The following SSH2 variants were observed in gnomAD, a reference collection of about 807,000 sequenced individuals.
SSH2 encodes the protein slingshot protein phosphatase 2.
SSH2 carries 37 observed loss-of-function variants against 135.2 expected under a neutral mutation model. The observed-to-expected ratio is 0.27, with a 90% CI of 0.21 to 0.36. The LOEUF is 0.36. Among genes scored for constraint, SSH2 ranks in the 10% least tolerant of loss-of-function variants. The probability of loss-of-function intolerance (pLI) is 1.00; values close to 1 mark genes in which losing one functional copy is unlikely to be tolerated. For missense variants in SSH2, 1,408 were observed against 1,765.3 expected (o/e 0.80, Z 3.63); for synonymous variants, 628 against 646.2 (o/e 0.97, Z 0.43).
At chr17:29,701,404 CTTTTTTTTTTTT>C (rs55721735) in intron 4 of SSH2, among the ~76,000 whole-genome samples, 4 of 90,338 alleles carry the variant, frequency 4.4e-5, no homozygotes, top group Non-Finnish European at 8.2e-5. Flanking sequence ...GTGCCTGGCT[CTTTTTTTTTTTT>C]TTTTTTTTTT....
rs777395874 is a variant in SSH2, at chr17:29,628,739, A to G, written c.*2102T>C. The stretch of plus-strand genomic sequence containing the variant: ...AGTGGATGAGATACTTGAACATTCA[A>G]GGAGACTACTGAGCAACAGCACAGG... On this transcript the variant is annotated 3_prime_UTR_variant, in exon 16 of 16. Coordinates refer to ENST00000540801, the MANE Select transcript of SSH2 (RefSeq NM_001282129.2). The G allele has an allele frequency of 3.9e-5, 6 of 152,260 alleles. No homozygotes were observed. Among genetic ancestry groups the G allele is most frequent in the Non-Finnish European group, 7.3e-5 (5 of 68,052 alleles). 9.4% of individuals were successfully genotyped at this position (152,260 alleles called of 1,614,324 possible).
chr17:29,636,390 T>C lies in SSH2; in HGVS notation c.1840A>G (p.Asn614Asp), dbSNP rs750049937. 11 of 1,614,110 alleles carry C rather than the reference T, an allele frequency of 6.8e-6. No individual in the cohort carries two copies. In the Admixed American group the frequency reaches 1.8e-4, roughly 27 times the overall value. ...IQPGHVPEMA[N>D]KFPDLTVEDL... ...TCCACTGTTAAGTCTGGAAACTTGTTGGCCATTTCTGGGACATGTCCAGGC... is the reference window on the plus strand; with the variant it reads ...TCCACTGTTAAGTCTGGAAACTTGTCGGCCATTTCTGGGACATGTCCAGGC... Residue 614 changes from asparagine (N) to aspartate (D), a missense_variant, in exon 15 of 16, where the codon AAC (asparagine) becomes GAC (aspartate). Coordinates refer to ENST00000540801, the MANE Select transcript of SSH2 (RefSeq NM_001282129.2).
At chr17:29,665,735 T>C (rs1445337840) in intron 11 of SSH2, among the ~76,000 whole-genome samples, 1 of 152,232 alleles carries the variant, frequency 6.6e-6, no homozygotes, top group Non-Finnish European at 1.5e-5. Flanking sequence ...AATGTACAGA[T>C]AAGAACTAAA....
intron 3 of SSH2, among the ~76,000 whole-genome samples, chr17:29,749,939 C>T (rs1259452750): frequency 6.6e-6 from 1 of 151,934 alleles, no homozygotes; most frequent in Non-Finnish European, 1.5e-5. Flanking sequence ...GTTGGCCAGG[C>T]TTGTCTCAAA....
chr17:29,873,244 T>C (rs1054662371), intron 1 of SSH2, among the ~76,000 whole-genome samples: 1 of 152,028 alleles, frequency 6.6e-6, no homozygotes, highest in Admixed American at 6.6e-5. Flanking sequence ...AAAAAATCTT[T>C]AAGATGTACA....
At chr17:29,788,416 G>A (rs947224191) in intron 3 of SSH2, among the ~76,000 whole-genome samples, 74 of 152,144 alleles carry the variant, frequency 4.9e-4, no homozygotes, top group African/African-American at 1.7e-3. Flanking sequence ...GCAAATGGTG[G>A]ACTGAGCCAC....
intron 1 of SSH2, among the ~76,000 whole-genome samples, chr17:29,921,488 C>T (rs1333868671): frequency 6.6e-6 from 1 of 152,172 alleles, no homozygotes; most frequent in Admixed American, 6.5e-5. Context: ...CTCAAGATAT[C>T]TGTCTATGCT....
Position 29,632,300 on chromosome 17 carries a change from C to T in SSH2, c.2894G>A (p.Ser965Asn). ...PEMSKGKGKY[S>N]GSEAGSLSHS... ...GGACAGTGAGCCAGCCTCAGACCCA[C>T]TGTATTTCCCTTTGCCTTTGCTCAT... The change falls in exon 16 of 16, where the codon AGT (serine) becomes AAT (asparagine). Residue 965 changes from serine to asparagine, a missense_variant. Ser to Asn is a conservative substitution (Grantham distance 46, BLOSUM62 1). Coordinates refer to ENST00000540801, the MANE Select transcript of SSH2 (RefSeq NM_001282129.2). 1.9e-6 allele frequency: 3 copies of T among 1,614,116 alleles called. No homozygotes were observed. The South Asian group carries it at 3.3e-5, about 18-fold the overall frequency.
At chr17:29,864,729 T>C (rs2065825905) in intron 1 of SSH2, among the ~76,000 whole-genome samples, 1 of 152,132 alleles carries the variant, frequency 6.6e-6, no homozygotes, top group African/African-American at 2.4e-5. Flanking sequence ...CCCTTCTCTT[T>C]TTCTAATATA....
At chr17:29,851,329 G>T (rs1450373050) in intron 1 of SSH2, among the ~76,000 whole-genome samples, 1 of 152,074 alleles carries the variant, frequency 6.6e-6, no homozygotes, top group African/African-American at 2.4e-5. Flanking sequence ...GGGCACGGTG[G>T]CTCACACCTG....
chr17:29,658,867 C>CAAAAAAAAA (rs541052752), intron 11 of SSH2, among the ~76,000 whole-genome samples: 20 of 33,364 alleles, frequency 6.0e-4, no homozygotes, highest in Non-Finnish European at 9.1e-4. Context: ...AACTCCGTCT[C>CAAAAAAAAA]AAAAAAAAAA....
intron 3 of SSH2, among the ~76,000 whole-genome samples, chr17:29,757,432 T>A (rs1174770923): frequency 6.6e-6 from 1 of 152,166 alleles, no homozygotes; most frequent in African/African-American, 2.4e-5. Context: ...ACAGTGGATA[T>A]ATTTAAGTTC....
At chr17:29,746,259 G>A (rs140327414) in intron 3 of SSH2, among the ~76,000 whole-genome samples, 51 of 151,874 alleles carry the variant, frequency 3.4e-4, no homozygotes, top group African/African-American at 1.2e-3. Flanking sequence ...CCTAAAAATA[G>A]ATGAGGCCAG....
In SSH2 at chr17:29,629,723, T is replaced by C. The variant is rs1164368660; in HGVS notation, c.*1118A>G. Reference sequence around the variant, plus strand: ...TTCCAGGAAAAGGAAAAAAAAGTGTTAACAGTGATAATACCAAAAATAAAA... The same window carrying C: ...TTCCAGGAAAAGGAAAAAAAAGTGTCAACAGTGATAATACCAAAAATAAAA... On this transcript the variant is annotated 3_prime_UTR_variant, in exon 16 of 16. Transcript: ENST00000540801. The C allele has an allele frequency of 1.3e-5, 2 of 152,584 alleles. No individual in the cohort carries two copies. Among genetic ancestry groups the C allele is most frequent in the African/African-American group, 4.8e-5 (2 of 41,450 alleles). 9.5% of individuals were successfully genotyped at this position (152,584 alleles called of 1,614,324 possible). A position where few individuals can be genotyped will look rare whatever the true frequency, so the allele number is the denominator to read the frequency against.
chr17:29,703,268 A>G (rs9904347), intron 3 of SSH2, among the ~76,000 whole-genome samples: 1 of 152,244 alleles, frequency 6.6e-6, no homozygotes, highest in African/African-American at 2.4e-5. Context: ...TTCTTTTTTG[A>G]AAGGGAGTCT....
At chr17:29,874,574 TCTC>T (rs1156917705) in intron 1 of SSH2, among the ~76,000 whole-genome samples, 1 of 152,068 alleles carries the variant, frequency 6.6e-6, no homozygotes, top group Non-Finnish European at 1.5e-5. Context: ...GCTTGGTACT[TCTC>T]CTTCCTGTCA....
intron 3 of SSH2, among the ~76,000 whole-genome samples, chr17:29,773,599 CT>C (rs1253655248): frequency 6.6e-6 from 1 of 152,158 alleles, no homozygotes; most frequent in Non-Finnish European, 1.5e-5. Context: ...TACACATCGC[CT>C]TTTGAGATTA....
intron 9 of SSH2, among the ~76,000 whole-genome samples, chr17:29,670,679 CAGG>C (rs780106945): frequency 2.8e-4 from 42 of 152,162 alleles, no homozygotes; most frequent in Non-Finnish European, 4.6e-4. Flanking sequence ...GAGGCTGAGG[CAGG>C]AGAATTGCTT....
intron 3 of SSH2, among the ~76,000 whole-genome samples, chr17:29,780,945 A>G (rs1000391688): frequency 9.9e-5 from 15 of 151,432 alleles, no homozygotes; most frequent in African/African-American, 3.2e-4. Context: ...CCGAGTAGCT[A>G]GGACTACAGG....
Sources: gnomAD v4.1 joint callset for allele counts (sites outside exome capture counted in the v4.1 genomes callset) on GRCh38, gnomAD v4.1.1 for gene constraint, MANE v1.5 for transcripts, NCBI Gene and HGNC (gene_info 2026-07-23, HGNC 2026-07-21) for gene names.